The following PHYKPL variants were observed in gnomAD, a reference collection of about 807,000 sequenced individuals.
PHYKPL encodes the protein 5-phosphonooxy-L-lysine phospho-lyase.
Under a neutral mutation model 51.3 loss-of-function variants are expected in PHYKPL, and 42 were observed. That is an observed-to-expected ratio of 0.82 (90% CI 0.64 to 1.06). PHYKPL has a LOEUF of 1.06. Ranked by LOEUF, PHYKPL falls within the 50% of genes least tolerant of loss-of-function variation. The pLI, the probability that PHYKPL is intolerant of heterozygous loss-of-function variation, is 0.00. For missense variants in PHYKPL, 655 were observed against 586.6 expected (o/e 1.12, Z -1.20); for synonymous variants, 264 against 236.0 (o/e 1.12, Z -1.09).
chr5:178,230,353 G>A (rs1193604834), intron 2 of PHYKPL: 3 of 462,970 alleles, frequency 6.5e-6, no homozygotes, highest in Non-Finnish European at 7.8e-6. Flanking sequence ...ATGTCTTTAA[G>A]GAGGACTTTT....
At chr5:178,230,582 C>T (rs1326209879) in intron 2 of PHYKPL, 3 of 154,526 alleles carry the variant, frequency 1.9e-5, no homozygotes, top group Non-Finnish European at 4.3e-5. Flanking sequence ...GCTGGAAGGC[C>T]TTTTGAGGCT....
intron 8 of PHYKPL, among the ~76,000 whole-genome samples, chr5:178,219,598 C>T (rs1392646969): frequency 2.6e-5 from 4 of 151,878 alleles, no homozygotes; most frequent in Non-Finnish European, 5.9e-5. Flanking sequence ...TACAGGTGCC[C>T]GCCACCACGC....
At chr5:178,210,310 T>C in intron 12 of PHYKPL, 1 of 1,613,364 alleles carries the variant, frequency 6.2e-7, no homozygotes, top group Non-Finnish European at 8.5e-7. Flanking sequence ...CGCTCACCCC[T>C]CGTCCCCAGG....
chr5:178,225,278 C>T (rs1762061168), intron 4 of PHYKPL, 77 bp downstream of exon 4: 7 of 1,554,824 alleles, frequency 4.5e-6, no homozygotes, highest in Non-Finnish European at 6.2e-6. Context: ...CTAAGGCACC[C>T]AGAGTCAGTC....
At chr5:178,226,614 GC>G (rs1762340480) in intron 3 of PHYKPL, 1 of 152,228 alleles carries the variant, frequency 6.6e-6, no homozygotes, top group African/African-American at 2.4e-5. Flanking sequence ...TTATCTGGAA[GC>G]TCTCTGAATC....
At chr5:178,228,614 C>T (rs1762754982) in intron 3 of PHYKPL, 4 of 702,430 alleles carry the variant, frequency 5.7e-6, no homozygotes, top group South Asian at 1.5e-5. Context: ...TGGTGAATTC[C>T]ACTTCCTAGA....
intron 3 of PHYKPL, among the ~76,000 whole-genome samples, chr5:178,226,919 TTA>T (rs920814307): frequency 5.9e-5 from 9 of 151,728 alleles, no homozygotes; most frequent in African/African-American, 1.9e-4. Context: ...GTCTGTGTAT[TTA>T]TATATATATG....
Position 178,215,368 on chromosome 5 carries a change from C to G in PHYKPL, c.990G>C (p.Glu330Asp). 1.2e-6 allele frequency: 2 copies of G among 1,614,044 alleles called. No individual in the cohort carries two copies. The highest frequency in any genetic ancestry group is 1.7e-6 in the Non-Finnish European group (2 of 1,179,978). Reference sequence around the variant, plus strand: ...CACTGGTGGCATGATCCTGGAGCTGCTCCTTCTCCAAGACATTCAGGACGG... The same window carrying G: ...CACTGGTGGCATGATCCTGGAGCTGGTCCTTCTCCAAGACATTCAGGACGG... ...GLAVLNVLEK[E>D]QLQDHATSVG... is the part of the protein sequence containing the mutation. The change falls in exon 9 of 13, where the codon GAG becomes GAC. Residue 330 changes from glutamate to aspartate, a missense_variant. Glu to Asp is a conservative substitution (Grantham distance 45). Coordinates refer to ENST00000308158, the MANE Select transcript of PHYKPL (RefSeq NM_153373.4).
intron 6 of PHYKPL, chr5:178,224,055 G>A (rs960099437): frequency 3.4e-5 from 7 of 202,944 alleles, no homozygotes; most frequent in Admixed American, 5.4e-5. Context: ...GCATAGTTCC[G>A]GTGCCCTCTG....
chr5:178,215,573 C>T, intron 8 of PHYKPL, 143 bp from the exon 9 acceptor site: 1 of 983,124 alleles, frequency 1.0e-6, no homozygotes, highest in South Asian at 1.8e-5. Flanking sequence ...GCGCACAGTC[C>T]TCAGCAGTAG....
Position 178,231,874 on chromosome 5 carries a change from G to A in PHYKPL, c.60-351C>T, listed in dbSNP as rs558692727. The A allele has an allele frequency of 3.0e-5, 40 of 1,328,346 alleles. No individual in the cohort carries two copies. In the African/African-American group the frequency reaches 5.4e-4, roughly 18 times the overall value. 82.3% of individuals were successfully genotyped at this position (1,328,346 alleles called of 1,614,324 possible). On this transcript the variant is annotated intron_variant, in intron 1 of 12. Transcript: ENST00000308158. ...CTCCATAAGGCCGCGTGTCTTCGAT[G>A]GGATGGGCCAGGGCACCAACATTAG...
At chr5:178,217,226 A>AC (rs1759985488) in intron 8 of PHYKPL, among the ~76,000 whole-genome samples, 1 of 143,652 alleles carries the variant, frequency 7.0e-6, no homozygotes. Context: ...GGCTCAACAG[A>AC]TTTTTTTTTT....
intron 11 of PHYKPL, 51 bp from the exon 12 acceptor site, chr5:178,212,021 G>C: frequency 6.2e-7 from 1 of 1,602,832 alleles, no homozygotes; most frequent in Middle Eastern, 1.7e-4. Flanking sequence ...CTCTGCTGAA[G>C]ATGCCCTGTT....
At chr5:178,207,691 CTTTTTTTTTTTT>C (rs34424574), downstream of PHYKPL, among the ~76,000 whole-genome samples, 118 of 78,784 alleles carry the variant, frequency 1.5e-3, 1 homozygote, top group Admixed American at 4.2e-3. Context: ...ACTTTGAGCA[CTTTTTTTTTTTT>C]TTTTTTTTTT....
intron 3 of PHYKPL, chr5:178,229,727 A>G: frequency 3.8e-6 from 2 of 519,814 alleles, no homozygotes; most frequent in Non-Finnish European, 6.7e-6. Context: ...GATCCTAGAA[A>G]GGAGGTAATA....
At chr5:178,225,067 C>T in intron 4 of PHYKPL, 1 of 566,016 alleles carries the variant, frequency 1.8e-6, no homozygotes, top group East Asian at 2.9e-5. Context: ...ATACTCAATT[C>T]ATGGGAGCTA....
At chr5:178,222,765 C>A in intron 7 of PHYKPL, 87 bp downstream of exon 7, 1 of 1,483,530 alleles carries the variant, frequency 6.7e-7, no homozygotes, top group South Asian at 1.2e-5. Context: ...GCAGTCAGGA[C>A]AGGCTGAGGT....
downstream of PHYKPL, chr5:178,207,315 G>C: frequency 6.7e-7 from 1 of 1,500,246 alleles, no homozygotes; most frequent in Non-Finnish European, 9.1e-7. Flanking sequence ...TCATGCAGGA[G>C]CTCTCCAGGT....
chr5:178,211,744 GTGT>G (rs1001187789), intron 12 of PHYKPL, 143 bp downstream of exon 12: 2 of 614,264 alleles, frequency 3.3e-6, no homozygotes, highest in Non-Finnish European at 5.8e-6. Context: ...AGAATTTCCA[GTGT>G]TGAAGAAACT....
Sources: allele counts gnomAD v4.1 joint callset (sites outside exome capture counted in the v4.1 genomes callset), GRCh38; gene constraint gnomAD v4.1.1; transcripts MANE v1.5; gene names NCBI Gene and HGNC (gene_info 2026-07-23, HGNC 2026-07-21).